Variants in BORCS5 observed in about 807,000 individuals in gnomAD.
BORCS5 encodes the protein BLOC-1 related complex subunit 5.
A neutral mutation model predicts 22.1 loss-of-function variants in BORCS5; 17 were observed. The observed-to-expected ratio is 0.77, with a 90% CI of 0.53 to 1.15. The LOEUF (loss-of-function observed/expected upper bound fraction) is 1.15, where lower values mean the gene tolerates loss of function less well. Ranked by LOEUF, BORCS5 falls within the 50% of genes most tolerant of loss-of-function variation. The probability of loss-of-function intolerance (pLI) is 0.00; values close to 1 mark genes in which losing one functional copy is unlikely to be tolerated. For synonymous variants in BORCS5, 117 were observed against 99.8 expected, an observed-to-expected ratio of 1.17 and a Z score of -1.03; for missense variants, 247 against 253.2, an observed-to-expected ratio of 0.98 and a Z score of 0.17.
intron 3 of BORCS5, among the ~76,000 whole-genome samples, chr12:12,451,787 G>A (rs747303066): frequency 1.3e-5 from 2 of 151,820 alleles, no homozygotes; most frequent in East Asian, 1.9e-4. Flanking sequence ...GCGTGGTGGC[G>A]CTCGCCTGTA....
intron 2 of BORCS5, among the ~76,000 whole-genome samples, chr12:12,414,313 G>A (rs1481173385): frequency 3.7e-5 from 3 of 80,368 alleles, no homozygotes; most frequent in African/African-American, 1.2e-4. Flanking sequence ...CTCCCGGACG[G>A]GGCGGCTGGC....
chr12:12,435,107 T>TTTACTTGTTAAA (rs1942525989), intron 2 of BORCS5, among the ~76,000 whole-genome samples: 1 of 152,202 alleles, frequency 6.6e-6, no homozygotes, highest in Admixed American at 6.5e-5. Context: ...TGACAGTCTG[T>TTTACTTGTTAAA]TTACTTGTTA....
chr12:12,436,166 A>C (rs1169283509), intron 3 of BORCS5, among the ~76,000 whole-genome samples: 5 of 152,098 alleles, frequency 3.3e-5, no homozygotes, highest in African/African-American at 1.2e-4. Context: ...AATTGACTTT[A>C]ATTGTTTCCT....
intron 2 of BORCS5, among the ~76,000 whole-genome samples, chr12:12,396,833 C>T (rs1370983593): frequency 6.6e-6 from 1 of 152,170 alleles, no homozygotes; most frequent in African/African-American, 2.4e-5. Flanking sequence ...CATATGAAAT[C>T]TGTGTTGAAC....
chr12:12,464,201 G>GTTTTT (rs35244701), intron 3 of BORCS5, among the ~76,000 whole-genome samples: 1 of 145,008 alleles, frequency 6.9e-6, no homozygotes, highest in Non-Finnish European at 1.5e-5. Flanking sequence ...TCACTCCCAT[G>GTTTTT]TTTTTTTTTT....
intron 3 of BORCS5, among the ~76,000 whole-genome samples, chr12:12,444,474 CT>C (rs1434463178): frequency 6.6e-6 from 1 of 152,150 alleles, no homozygotes; most frequent in African/African-American, 2.4e-5. Flanking sequence ...TTAGGAGGTT[CT>C]TACGGGCCAA....
In BORCS5 at chr12:12,467,846, G is replaced by A. The variant is rs1315306476; in HGVS notation, c.*2070G>A. Reference sequence around the variant, plus strand: ...TGGAAGTGGATGTAGGTCAGGCCCTGTTCCATCACGTGCACGTTACCATGG... The same window carrying A: ...TGGAAGTGGATGTAGGTCAGGCCCTATTCCATCACGTGCACGTTACCATGG... On this transcript the variant is annotated 3_prime_UTR_variant, in exon 4 of 4. Coordinates refer to ENST00000314565, the MANE Select transcript of BORCS5 (RefSeq NM_058169.6). 6.6e-6 allele frequency: 1 copy of A among 152,258 alleles called. No individual in the cohort carries two copies. Among genetic ancestry groups the A allele is most frequent in the African/African-American group, 2.4e-5 (1 of 41,458 alleles). 9.4% of individuals were successfully genotyped at this position (152,258 alleles called of 1,614,324 possible). A position where few individuals can be genotyped will look rare whatever the true frequency, so the allele number is the denominator to read the frequency against.
At position 12,375,286 on chromosome 12, in the gene BORCS5, T is replaced by C. The variant is rs144677740; in HGVS notation, c.202+13937T>C. Among the ~76,000 whole-genome samples, 1,172 of 152,332 alleles carry C rather than the reference T, an allele frequency of 7.7e-3. 11 individuals carry two copies. Among genetic ancestry groups the C allele is most frequent in the African/African-American group, 0.027 (1,118 of 41,592 alleles). On this transcript the variant is annotated intron_variant, in intron 2 of 3. Coordinates refer to ENST00000314565, the MANE Select transcript of BORCS5 (RefSeq NM_058169.6). Reference sequence around the variant, plus strand: ...CCTCGGCCTCCCAAAGTGCTGGGATTATAGGCGTGAGCCACTGTGTCCGGC... The same window carrying C: ...CCTCGGCCTCCCAAAGTGCTGGGATCATAGGCGTGAGCCACTGTGTCCGGC...
intron 2 of BORCS5, among the ~76,000 whole-genome samples, chr12:12,370,045 A>G (rs1863491549): frequency 6.7e-6 from 1 of 149,532 alleles, no homozygotes; most frequent in Non-Finnish European, 1.5e-5. Flanking sequence ...TCTTTGTGCT[A>G]TTGCTTTCAT....
intron 2 of BORCS5, among the ~76,000 whole-genome samples, chr12:12,433,931 T>C (rs1592124388): frequency 6.6e-6 from 1 of 152,164 alleles, no homozygotes; most frequent in East Asian, 1.9e-4. Context: ...TCAGCTCTAA[T>C]ATATCAGAAC....
At chr12:12,446,993 C>T (rs150172571) in intron 3 of BORCS5, among the ~76,000 whole-genome samples, 2 of 152,240 alleles carry the variant, frequency 1.3e-5, no homozygotes, top group African/African-American at 4.8e-5. Context: ...GCATTAGTGG[C>T]GTAATACAGC....
At chr12:12,416,590 A>C (rs1414473069) in intron 2 of BORCS5, among the ~76,000 whole-genome samples, 2 of 151,700 alleles carry the variant, frequency 1.3e-5, no homozygotes, top group African/African-American at 4.8e-5. Context: ...CTACAGACAC[A>C]CACCATTATG....
chr12:12,410,658 T>C (rs894742243), intron 2 of BORCS5, among the ~76,000 whole-genome samples: 11 of 152,138 alleles, frequency 7.2e-5, no homozygotes, highest in East Asian at 1.9e-4. Flanking sequence ...AGTCAGGTAG[T>C]ATGATGCCTC....
intron 3 of BORCS5, among the ~76,000 whole-genome samples, chr12:12,438,385 A>AAAAAAAAAAAAAAAAAAAAAC (rs1555156048): frequency 1.6e-5 from 2 of 126,112 alleles, no homozygotes; most frequent in African/African-American, 6.6e-5. Context: ...AAAAAACGAA[A>AAAAAAAAAAAAAAAAAAAAAC]AACAACAACA....
chr12:12,367,061 A>G (rs768175663), intron 2 of BORCS5, among the ~76,000 whole-genome samples: 54 of 152,256 alleles, frequency 3.5e-4, no homozygotes, highest in Non-Finnish European at 6.2e-4. Flanking sequence ...GTAGATTTTG[A>G]TAATTAAAAG....
At chr12:12,452,869 C>G (rs1039857249) in intron 3 of BORCS5, among the ~76,000 whole-genome samples, 11 of 152,194 alleles carry the variant, frequency 7.2e-5, no homozygotes, top group African/African-American at 2.7e-4. Context: ...CTGTCATACC[C>G]TAACCTTTAT....
At chr12:12,380,895 T>G in intron 2 of BORCS5, among the ~76,000 whole-genome samples, 1 of 151,490 alleles carries the variant, frequency 6.6e-6, no homozygotes. Flanking sequence ...TTAAATTGGG[T>G]TTTTAACTTA....
chr12:12,438,374 A>ACAAAAAAC (rs1555156023), intron 3 of BORCS5, among the ~76,000 whole-genome samples: 2 of 125,046 alleles, frequency 1.6e-5, no homozygotes, highest in Non-Finnish European at 3.1e-5. Context: ...AAAAAAAAAA[A>ACAAAAAAC]AAAAAACGAA....
chr12:12,431,403 C>CTTTTT lies in BORCS5; in HGVS notation c.203-4211_203-4207dup, dbSNP rs386375632. On this transcript the variant is annotated intron_variant, in intron 2 of 3. Transcript: ENST00000314565. ...TTTGTTCATCTTTCTTTTGCTAATT[C>CTTTTT]TTTTTTTTTTTTTTTTTTGAGACGG... 9.8e-3 allele frequency among the ~76,000 whole-genome samples: 1,192 copies of CTTTTT among 121,046 alleles called. 43 individuals are homozygous for CTTTTT. Among genetic ancestry groups the CTTTTT allele is most frequent in the African/African-American group, 0.027 (843 of 31,126 alleles). The allele number at this position is 121,046 out of a possible 152,430, so 79.4% of individuals were successfully genotyped here. A position where few individuals can be genotyped will look rare whatever the true frequency, so the allele number is the denominator to read the frequency against.
Sources: allele counts gnomAD v4.1 joint callset (sites outside exome capture counted in the v4.1 genomes callset), GRCh38; gene constraint gnomAD v4.1.1; transcripts MANE v1.5; gene names NCBI Gene and HGNC (gene_info 2026-07-23, HGNC 2026-07-21).